Variants in ANAPC1 observed in about 807,000 individuals in gnomAD.
ANAPC1 encodes the protein anaphase-promoting complex subunit 1.
In ANAPC1, 36 loss-of-function variants were observed where a neutral mutation model predicts 208.0. The ratio of observed to expected loss-of-function variants is 0.17; its 90% CI spans 0.13 to 0.23. The LOEUF (loss-of-function observed/expected upper bound fraction) is 0.23, where lower values mean the gene tolerates loss of function less well. Ranked by LOEUF, ANAPC1 falls within the 10% of genes least tolerant of loss-of-function variation. The pLI, the probability that ANAPC1 is intolerant of heterozygous loss-of-function variation, is 1.00. For synonymous variants in ANAPC1, 378 were observed against 695.2 expected, an observed-to-expected ratio of 0.54 and a Z score of 7.18; for missense variants, 942 against 2,011.6, an observed-to-expected ratio of 0.47 and a Z score of 10.17.
At chr2:111,873,519 T>C (rs1682870865) in intron 4 of ANAPC1, 94 bp downstream of exon 4, 1 of 1,472,622 alleles carries the variant, frequency 6.8e-7, no homozygotes, top group Non-Finnish European at 9.0e-7. Flanking sequence ...GGTAAACCAC[T>C]ATTACTAGTG....
chr2:111,845,892 A>T (rs10864890), intron 16 of ANAPC1, among the ~76,000 whole-genome samples: 3 of 150,240 alleles, frequency 2.0e-5, no homozygotes, highest in Non-Finnish European at 4.4e-5. Flanking sequence ...GGAGAATGGC[A>T]TGAACCCGGG....
At chr2:111,810,726 T>C (rs1252891130) in intron 28 of ANAPC1, among the ~76,000 whole-genome samples, 1 of 145,904 alleles carries the variant, frequency 6.9e-6, no homozygotes, top group Admixed American at 6.9e-5. Context: ...CCATCAAAAA[T>C]ACAAAAATTA....
chr2:111,847,677 T>G, intron 15 of ANAPC1, 48 bp downstream of exon 15: 1 of 1,341,654 alleles, frequency 7.5e-7, no homozygotes, highest in Non-Finnish European at 9.8e-7. Context: ...CTGTCAAATT[T>G]GAAATGCCAG....
intron 7 of ANAPC1, among the ~76,000 whole-genome samples, chr2:111,867,670 C>A (rs1241855948): frequency 1.4e-5 from 2 of 147,240 alleles, no homozygotes; most frequent in Admixed American, 7.0e-5. Context: ...CCAGCCTGGG[C>A]CACAGAGCAA....
chr2:111,851,294 G>T (rs1208898130), intron 13 of ANAPC1, among the ~76,000 whole-genome samples: 2 of 151,872 alleles, frequency 1.3e-5, no homozygotes, highest in Admixed American at 6.6e-5. Context: ...GTAGAGACAG[G>T]GTTTCACCAT....
chr2:111,768,821 AT>A lies in ANAPC1; in HGVS notation c.*469del, dbSNP rs2104448173. 1 of 148,494 alleles carries A rather than the reference AT, an allele frequency of 6.7e-6. No homozygotes were observed. The highest frequency in any genetic ancestry group is 6.8e-5 in the Admixed American group (1 of 14,712). The allele number at this position is 148,494 out of a possible 1,614,324, so 9.2% of individuals were successfully genotyped here. A position where few individuals can be genotyped will look rare whatever the true frequency, so the allele number is the denominator to read the frequency against. ...TGATCACATCATAAGAGTGTCTGGC[AT>A]TGTCACCAGAAGTACAAACTTATTT... On this transcript the variant is annotated 3_prime_UTR_variant, in exon 48 of 48. Transcript: ENST00000341068.
At chr2:111,847,647 T>C in intron 15 of ANAPC1, 78 bp downstream of exon 15, 2 of 1,329,510 alleles carry the variant, frequency 1.5e-6, no homozygotes, top group Non-Finnish European at 9.8e-7. Flanking sequence ...GTTGTCATTT[T>C]TCAGACAAAA....
intron 5 of ANAPC1, 161 bp downstream of exon 5, chr2:111,873,147 A>C: frequency 2.8e-6 from 2 of 726,014 alleles, no homozygotes; most frequent in Non-Finnish European, 4.3e-6. Context: ...TGAAGTACAG[A>C]AAAATGGTAA....
chr2:111,790,562 C>T (rs1171113108), intron 38 of ANAPC1, among the ~76,000 whole-genome samples: 1 of 151,808 alleles, frequency 6.6e-6, no homozygotes, highest in Non-Finnish European at 1.5e-5. Flanking sequence ...GAGAAAAATC[C>T]GTGCCAGGTA....
At chr2:111,810,047 C>G (rs112046581) in intron 28 of ANAPC1, among the ~76,000 whole-genome samples, 26,245 of 138,382 alleles carry the variant, frequency 0.19, 778 homozygotes, top group Middle Eastern at 0.28. Flanking sequence ...CTAAAAAGTA[C>G]AAATAACCCA....
intron 38 of ANAPC1, among the ~76,000 whole-genome samples, chr2:111,791,563 T>A (rs1346822321): frequency 1.3e-5 from 2 of 152,164 alleles, no homozygotes; most frequent in African/African-American, 2.4e-5. Context: ...ACAATGAAAG[T>A]GTAATACAAC....
At chr2:111,863,026 A>C (rs1208300232) in intron 9 of ANAPC1, among the ~76,000 whole-genome samples, 2 of 152,062 alleles carry the variant, frequency 1.3e-5, no homozygotes, top group Non-Finnish European at 2.9e-5. Context: ...AACAAGTAAA[A>C]AAAAAAGAAA....
Position 111,843,582 on chromosome 2 carries a change from C to T in ANAPC1, c.1870G>A (p.Ala624Thr), listed in dbSNP as rs777281770. 6.2e-7 allele frequency: 1 copy of T among 1,611,496 alleles called. No individual in the cohort carries two copies. The highest frequency in any genetic ancestry group is 8.5e-7 in the Non-Finnish European group (1 of 1,179,568). ...TSELVQTCLQ[A>T]IKFILPKEIA... is the part of the protein sequence containing the mutation. ...TCTTTTGGCAGGATAAACTTAATTGCTTGCAAACACGTTTGTACTATTAAA... is the reference window on the plus strand; with the variant it reads ...TCTTTTGGCAGGATAAACTTAATTGTTTGCAAACACGTTTGTACTATTAAA... The change falls in exon 17 of 48, where the codon GCA (alanine) becomes ACA (threonine). Residue 624 changes from alanine to threonine, a missense_variant. Coordinates refer to ENST00000341068, the MANE Select transcript of ANAPC1 (RefSeq NM_022662.4).
chr2:111,869,201 CA>C (rs1271099239), intron 6 of ANAPC1, among the ~76,000 whole-genome samples: 2 of 152,058 alleles, frequency 1.3e-5, no homozygotes, highest in African/African-American at 2.4e-5. Flanking sequence ...ATGATCTGCT[CA>C]AAGCAGCACA....
In ANAPC1 at chr2:111,858,303, T is replaced by A. The variant is rs1396572455; in HGVS notation, c.1358+3A>T. On this transcript the variant is annotated splice_donor_region_variant and intron_variant, in intron 11 of 47. Transcript: ENST00000341068. Reference sequence around the variant, plus strand: ...AGAAACAATGGGAAAGACATACACCTACCGTAACTGGAGCTGGGACTCTAC... The same window carrying A: ...AGAAACAATGGGAAAGACATACACCAACCGTAACTGGAGCTGGGACTCTAC... 2 of 1,610,518 alleles carry A rather than the reference T, an allele frequency of 1.2e-6. No individual in the cohort carries two copies. The highest frequency in any genetic ancestry group is 4.5e-5 in the East Asian group (2 of 44,808).
chr2:111,835,307 G>A (rs3877244), intron 18 of ANAPC1, among the ~76,000 whole-genome samples: 5 of 152,170 alleles, frequency 3.3e-5, no homozygotes, highest in African/African-American at 9.7e-5. Flanking sequence ...ATAAGATGCC[G>A]GGGCTAGTAA....
rs1392304591 is a variant in ANAPC1, at chr2:111,815,145, G to A, written c.3597+225C>T. 5.6e-3 allele frequency among the ~76,000 whole-genome samples: 566 copies of A among 100,910 alleles called. 6 individuals are homozygous for A. Among genetic ancestry groups the A allele is most frequent in the African/African-American group, 0.026 (539 of 20,360 alleles). The allele number at this position is 100,910 out of a possible 152,430, so 66.2% of individuals were successfully genotyped here. ...TTAAATTCTACTCTGCCTTACTCAA[G>A]GAAAAAAAAAAAAAAAAAAAAGCAA... On this transcript the variant is annotated intron_variant, in intron 28 of 47. Transcript: ENST00000341068.
intron 38 of ANAPC1, among the ~76,000 whole-genome samples, chr2:111,791,362 C>T (rs1331854951): frequency 6.7e-6 from 1 of 149,736 alleles, no homozygotes; most frequent in Non-Finnish European, 1.5e-5. Context: ...AAGTGCACTG[C>T]AGCACTGATG....
chr2:111,837,835 G>C (rs1377249780), intron 18 of ANAPC1, among the ~76,000 whole-genome samples: 1 of 152,060 alleles, frequency 6.6e-6, no homozygotes, highest in Non-Finnish European at 1.5e-5. Flanking sequence ...TGTAATCCCA[G>C]CACTTTGGGA....
Sources: allele counts gnomAD v4.1 joint callset (sites outside exome capture counted in the v4.1 genomes callset), GRCh38; gene constraint gnomAD v4.1.1; transcripts MANE v1.5; gene names NCBI Gene and HGNC (gene_info 2026-07-23, HGNC 2026-07-21).